OPCML: variants seen among roughly 807,000 people sequenced by gnomAD.
The protein encoded by OPCML is opioid-binding protein/cell adhesion molecule.
OPCML carries 13 observed loss-of-function variants against 37.8 expected under a neutral mutation model. The ratio of observed to expected loss-of-function variants is 0.34; its 90% confidence interval spans 0.22 to 0.55. The LOEUF is 0.55. Ranked by LOEUF, OPCML falls within the 20% of genes least tolerant of loss-of-function variation. The pLI is 0.91. For missense variants in OPCML, 341 were observed against 435.6 expected, an observed-to-expected ratio of 0.78 and a Z score of 1.93; for synonymous variants, 176 against 168.8, an observed-to-expected ratio of 1.04 and a Z score of -0.33.
intron 1 of OPCML, among the ~76,000 whole-genome samples, chr11:133,456,088 C>T (rs1020785875): frequency 2.6e-5 from 4 of 152,110 alleles, no homozygotes; most frequent in African/African-American, 9.7e-5. Flanking sequence ...TGGTGGAAAA[C>T]ATGGAAGGCA....
chr11:133,418,791 G>A (rs1945820303), intron 1 of OPCML, among the ~76,000 whole-genome samples: 1 of 152,198 alleles, frequency 6.6e-6, no homozygotes, highest in Non-Finnish European at 1.5e-5. Flanking sequence ...CCATTGTTCT[G>A]TAGGTCATAA....
intron 1 of OPCML, among the ~76,000 whole-genome samples, chr11:132,996,982 C>A (rs1946900306): frequency 6.6e-6 from 1 of 152,180 alleles, no homozygotes; most frequent in Non-Finnish European, 1.5e-5. Context: ...CGAGGCAGCT[C>A]CCCTTATCTG....
chr11:132,976,446 TTGA>T (rs945941215), intron 1 of OPCML, among the ~76,000 whole-genome samples: 1 of 152,192 alleles, frequency 6.6e-6, no homozygotes, highest in Non-Finnish European at 1.5e-5. Context: ...TCTCTAACAG[TTGA>T]TGTGACCAGT....
At chr11:132,848,062 A>C (rs187269987) in intron 2 of OPCML, among the ~76,000 whole-genome samples, 1 of 152,322 alleles carries the variant, frequency 6.6e-6, no homozygotes, top group African/African-American at 2.4e-5. Context: ...ATTGAGAAGA[A>C]AAATGATATA....
intron 1 of OPCML, among the ~76,000 whole-genome samples, chr11:133,113,780 C>T (rs533484278): frequency 2.0e-5 from 3 of 152,306 alleles, no homozygotes; most frequent in Admixed American, 2.0e-4. Context: ...GACTCTTTCC[C>T]CACAGTGTGA....
At chr11:133,427,419 G>A (rs1441889925) in intron 1 of OPCML, among the ~76,000 whole-genome samples, 1 of 117,802 alleles carries the variant, frequency 8.5e-6, no homozygotes, top group Non-Finnish European at 1.7e-5. Context: ...GGGGCCGGGG[G>A]TGGGGGGGCG....
chr11:132,570,450 G>A (rs2137559669), intron 3 of OPCML, among the ~76,000 whole-genome samples: 1 of 152,090 alleles, frequency 6.6e-6, no homozygotes, highest in Non-Finnish European at 1.5e-5. Flanking sequence ...TTCAGGAGCA[G>A]GCAGGATATG....
At position 132,821,263 on chromosome 11, in the gene OPCML, C is replaced by G. The variant is rs750432577; in HGVS notation, c.146+121663G>C. Among the ~76,000 whole-genome samples the G allele has an allele frequency of 9.6e-4, 146 of 152,194 alleles. 3 individuals are homozygous for G. Among genetic ancestry groups the G allele is most frequent in the Non-Finnish European group, 2.9e-4 (20 of 68,034 alleles). On this transcript the variant is annotated intron_variant, in intron 2 of 7. Transcript: ENST00000524381. ...GGGGAATGTCCCTGGGGCCCTTCCT[C>G]TCTCATTTCTAGCAAGGAGATCCAG...
chr11:133,125,691 ATATAGTATATATATAGTGTATATATATG>A (rs1288945680), intron 1 of OPCML, among the ~76,000 whole-genome samples: 1 of 25,932 alleles, frequency 3.9e-5, no homozygotes, highest in African/African-American at 1.1e-4. Context: ...TATATAGTAT[ATATAGTATATATATAGTGTATATATATG>A]TATATAGTAT....
chr11:132,428,753 G>C (rs1357055170), intron 7 of OPCML, among the ~76,000 whole-genome samples: 1 of 152,184 alleles, frequency 6.6e-6, no homozygotes, highest in Non-Finnish European at 1.5e-5. Context: ...AACATCATTT[G>C]TTCTTTGAGC....
At position 132,745,604 on chromosome 11, in the gene OPCML, G is replaced by A. The variant is rs868052469; in HGVS notation, c.147-88285C>T. Among the ~76,000 whole-genome samples, 1,075 of 140,186 alleles carry A rather than the reference G, an allele frequency of 7.7e-3. 8 individuals are homozygous for A. The highest frequency in any genetic ancestry group is 0.012 in the Non-Finnish European group (790 of 64,732). The allele number at this position is 140,186 out of a possible 152,430, so 92.0% of individuals were successfully genotyped here. ...AAAAAGAAAGAAAGAAAGAAAGAAA[G>A]AAAAAAAAAGGACAATGGTCTTAAG... On this transcript the variant is annotated intron_variant, in intron 2 of 7. Transcript: ENST00000524381.
At chr11:132,819,102 C>T (rs953950825) in intron 2 of OPCML, among the ~76,000 whole-genome samples, 5 of 150,092 alleles carry the variant, frequency 3.3e-5, no homozygotes, top group African/African-American at 1.2e-4. Flanking sequence ...TGCCTTTTCA[C>T]ACATCTAGTA....
At chr11:133,333,725 A>G (rs939080240) in intron 1 of OPCML, among the ~76,000 whole-genome samples, 1 of 152,204 alleles carries the variant, frequency 6.6e-6, no homozygotes, top group African/African-American at 2.4e-5. Context: ...GGGAGAACAT[A>G]TTTGCAAACT....
At chr11:133,271,904 C>T (rs1289477769) in intron 1 of OPCML, among the ~76,000 whole-genome samples, 2 of 152,170 alleles carry the variant, frequency 1.3e-5, no homozygotes, top group Non-Finnish European at 2.9e-5. Context: ...TAAAGATAAT[C>T]ACATATAGTC....
intron 1 of OPCML, among the ~76,000 whole-genome samples, chr11:133,250,049 C>A (rs989653697): frequency 6.6e-6 from 1 of 152,198 alleles, no homozygotes; most frequent in Non-Finnish European, 1.5e-5. Context: ...ACCATGTCAC[C>A]AAACTCAGCT....
intron 4 of OPCML, among the ~76,000 whole-genome samples, chr11:132,449,538 G>A (rs146381307): frequency 1.3e-4 from 20 of 152,154 alleles, no homozygotes; most frequent in African/African-American, 3.1e-4. Flanking sequence ...GGCTCACTTC[G>A]CTAATCCTTC....
chr11:132,424,600 C>T (rs1224842515), intron 7 of OPCML, among the ~76,000 whole-genome samples: 83 of 152,254 alleles, frequency 5.5e-4, no homozygotes, highest in Non-Finnish European at 1.9e-4. Context: ...AGGTCGCTGA[C>T]CGCAATCTGG....
At chr11:133,004,565 A>T (rs1308866737) in intron 1 of OPCML, 6 of 985,306 alleles carry the variant, frequency 6.1e-6, no homozygotes, top group African/African-American at 1.7e-5. Context: ...CTGCCTGCCA[A>T]TGCCCATGCA....
chr11:132,730,553 C>T (rs1945043099), intron 2 of OPCML, among the ~76,000 whole-genome samples: 1 of 151,706 alleles, frequency 6.6e-6, no homozygotes, highest in African/African-American at 2.4e-5. Context: ...GGAAGATAAC[C>T]CCCTGGAGAA....
Sources: gnomAD v4.1 joint callset for allele counts (sites outside exome capture counted in the v4.1 genomes callset) on GRCh38, gnomAD v4.1.1 for gene constraint, MANE v1.5 for transcripts, NCBI Gene and HGNC (gene_info 2026-07-23, HGNC 2026-07-21) for gene names.